RRP15: variants seen among roughly 807,000 people sequenced by gnomAD.
RRP15 encodes ribosomal RNA processing 15 homolog.
Under a neutral mutation model 27.1 loss-of-function variants are expected in RRP15, and 18 were observed. That is an observed-to-expected ratio of 0.66 (90% CI 0.46 to 0.98). The LOEUF is 0.98. RRP15 is among the 50% of genes least tolerant of loss of function. RRP15 has a pLI of 0.00. For synonymous variants in RRP15, 107 were observed against 109.4 expected, an observed-to-expected ratio of 0.98 and a Z score of 0.14; for missense variants, 359 against 337.8, an observed-to-expected ratio of 1.06 and a Z score of -0.49.
At chr1:218,291,290 A>C (rs1278773344) in intron 1 of RRP15, among the ~76,000 whole-genome samples, 1 of 151,680 alleles carries the variant, frequency 6.6e-6, no homozygotes, top group Non-Finnish European at 1.5e-5. Flanking sequence ...AAAAATATAC[A>C]AAAAATTAGC....
chr1:218,322,550 T>C (rs547173476), intron 4 of RRP15, among the ~76,000 whole-genome samples: 1 of 152,038 alleles, frequency 6.6e-6, no homozygotes, highest in African/African-American at 2.4e-5. Context: ...CCTTTTTTTT[T>C]AAATTCTTTA....
intron 1 of RRP15, among the ~76,000 whole-genome samples, chr1:218,299,138 A>G (rs1390533179): frequency 2.0e-5 from 3 of 152,186 alleles, no homozygotes; most frequent in Non-Finnish European, 4.4e-5. Context: ...ATATCCTAGA[A>G]GTAAATCCTA....
Position 218,302,493 on chromosome 1 carries a change from C to A in RRP15, c.339C>A (p.Val113=). 6.2e-7 allele frequency: 1 copy of A among 1,613,726 alleles called. No homozygotes were observed. Among genetic ancestry groups the A allele is most frequent in the South Asian group, 1.1e-5 (1 of 91,012 alleles). The change falls in exon 2 of 5, where the codon GTC becomes GTA. Residue 113 remains valine, a synonymous_variant. Coordinates refer to ENST00000366932, the MANE Select transcript of RRP15 (RefSeq NM_016052.4). ...KTPESKPTIL[V]KNKKLEKEKE... ...CTGAAAGTAAACCTACTATTCTGGT[C>A]AAAAATAAGAAGCTGGAAAAGGAAA...
chr1:218,300,579 C>A (rs1250518075), intron 1 of RRP15, among the ~76,000 whole-genome samples: 1 of 152,134 alleles, frequency 6.6e-6, no homozygotes, highest in African/African-American at 2.4e-5. Context: ...GAAGGTAATA[C>A]CTGACTATAC....
At chr1:218,302,646 C>CAG in intron 2 of RRP15, 87 bp downstream of exon 2, 1 of 1,516,174 alleles carries the variant, frequency 6.6e-7, no homozygotes. Flanking sequence ...AGTGTTTGAC[C>CAG]AATTAACGTT....
At chr1:218,319,726 A>T (rs1656156529) in intron 4 of RRP15, among the ~76,000 whole-genome samples, 1 of 152,196 alleles carries the variant, frequency 6.6e-6, no homozygotes, top group Non-Finnish European at 1.5e-5. Context: ...AGCATTTCAT[A>T]GTTTTGCAAA....
At chr1:218,291,093 T>A (rs1159083420) in intron 1 of RRP15, among the ~76,000 whole-genome samples, 3 of 152,034 alleles carry the variant, frequency 2.0e-5, no homozygotes. Context: ...GAGCTGTGAC[T>A]GTGCCACTGT....
At chr1:218,314,116 A>G (rs1656043894) in intron 4 of RRP15, among the ~76,000 whole-genome samples, 1 of 151,924 alleles carries the variant, frequency 6.6e-6, no homozygotes, top group African/African-American at 2.4e-5. Flanking sequence ...AGGCCTCCCA[A>G]AGTGCTGGGA....
intron 4 of RRP15, among the ~76,000 whole-genome samples, chr1:218,328,391 G>A (rs931677068): frequency 6.6e-6 from 1 of 152,150 alleles, no homozygotes; most frequent in Non-Finnish European, 1.5e-5. Flanking sequence ...GGCTGGGCAC[G>A]GTGGCTCACG....
intron 4 of RRP15, among the ~76,000 whole-genome samples, chr1:218,315,341 C>T (rs1656072060): frequency 6.6e-6 from 1 of 152,140 alleles, no homozygotes; most frequent in Non-Finnish European, 1.5e-5. Flanking sequence ...CTTAGATCTG[C>T]TGAATTCTTG....
intron 1 of RRP15, among the ~76,000 whole-genome samples, chr1:218,295,859 A>G (rs1022115379): frequency 1.3e-5 from 2 of 151,672 alleles, no homozygotes; most frequent in Non-Finnish European, 2.9e-5. Context: ...CTATCATTTT[A>G]TTTTTGGTTA....
chr1:218,300,116 C>A (rs768054021), intron 1 of RRP15, among the ~76,000 whole-genome samples: 20 of 152,136 alleles, frequency 1.3e-4, no homozygotes, highest in South Asian at 6.2e-4. Context: ...GAAAAAACTT[C>A]AAATTAAATG....
chr1:218,303,701 A>G (rs1655849473), intron 2 of RRP15, among the ~76,000 whole-genome samples: 1 of 152,210 alleles, frequency 6.6e-6, no homozygotes, highest in Admixed American at 6.5e-5. Flanking sequence ...CTCTAGGCCA[A>G]AGCTTTGAGT....
At chr1:218,323,884 G>T (rs1034475401) in intron 4 of RRP15, among the ~76,000 whole-genome samples, 1 of 152,204 alleles carries the variant, frequency 6.6e-6, no homozygotes, top group Non-Finnish European at 1.5e-5. Flanking sequence ...CTGGGAGCGG[G>T]GAGAAACCGG....
intron 1 of RRP15, 110 bp downstream of exon 1, chr1:218,285,565 G>A (rs1236121552): frequency 2.1e-6 from 3 of 1,457,090 alleles, no homozygotes; most frequent in Non-Finnish European, 2.8e-6. Context: ...TTTTATCTTG[G>A]CACCACTTCA....
In RRP15 at chr1:218,334,158, C is replaced by T. The variant is rs1184656057; in HGVS notation, c.*3067C>T. 1 of 152,084 alleles carries T rather than the reference C, an allele frequency of 6.6e-6. No homozygotes were observed. The highest frequency in any genetic ancestry group is 1.5e-5 in the Non-Finnish European group (1 of 68,008). 9.4% of individuals were successfully genotyped at this position (152,084 alleles called of 1,614,324 possible). On this transcript the variant is annotated 3_prime_UTR_variant, in exon 5 of 5. Transcript: ENST00000366932. ...TGATTAGGACTGAAAATAGAATTAT[C>T]TTAGTAGTTTAGCACTTTTTATAAT... is the stretch of plus-strand genomic sequence containing the variant.
chr1:218,296,657 G>A (rs1292254519), intron 1 of RRP15, among the ~76,000 whole-genome samples: 1 of 149,600 alleles, frequency 6.7e-6, no homozygotes, highest in Non-Finnish European at 1.5e-5. Context: ...AAAAAAAAAA[G>A]GAAAAGAAAA....
chr1:218,303,922 T>C (rs1655852754), intron 2 of RRP15, among the ~76,000 whole-genome samples: 1 of 152,202 alleles, frequency 6.6e-6, no homozygotes, highest in Non-Finnish European at 1.5e-5. Context: ...TAAGAATGTT[T>C]CAGGATTAAG....
chr1:218,303,071 A>G (rs1655839995), intron 2 of RRP15, among the ~76,000 whole-genome samples: 1 of 152,190 alleles, frequency 6.6e-6, no homozygotes, highest in Non-Finnish European at 1.5e-5. Context: ...TGAACTACTG[A>G]TGATAGTTGT....
Sources: allele counts gnomAD v4.1 joint callset (sites outside exome capture counted in the v4.1 genomes callset), GRCh38; gene constraint gnomAD v4.1.1; transcripts MANE v1.5; gene names NCBI Gene and HGNC (gene_info 2026-07-23, HGNC 2026-07-21).